The following NDC1 variants were observed in gnomAD, a reference collection of about 807,000 sequenced individuals.
NDC1 encodes the protein NDC1 transmembrane nucleoporin, also known as nucleoporin NDC1.
In NDC1, 24 loss-of-function variants were observed where a neutral mutation model predicts 89.8. The observed-to-expected ratio is 0.27, with a 90% confidence interval of 0.19 to 0.38. The LOEUF (loss-of-function observed/expected upper bound fraction) is 0.38, where lower values mean the gene tolerates loss of function less well. Among genes scored for constraint, NDC1 ranks in the 10% least tolerant of loss-of-function variants. NDC1 has a pLI of 1.00. For synonymous variants in NDC1, 296 were observed against 284.8 expected (o/e 1.04, Z -0.39); for missense variants, 728 against 797.6 (o/e 0.91, Z 1.05).
intron 14 of NDC1, among the ~76,000 whole-genome samples, chr1:53,792,087 C>T (rs922400588): frequency 9.2e-5 from 14 of 152,078 alleles, no homozygotes; most frequent in African/African-American, 1.9e-4. Context: ...GGACCACAGG[C>T]GCCCACCACT....
intron 16 of NDC1, among the ~76,000 whole-genome samples, chr1:53,773,231 A>C (rs1647134176): frequency 6.6e-6 from 1 of 152,212 alleles, no homozygotes; most frequent in Non-Finnish European, 1.5e-5. Flanking sequence ...AAATAAACTG[A>C]CAAGATACAA....
chr1:53,818,413 C>G (rs1648550129), intron 6 of NDC1, among the ~76,000 whole-genome samples: 1 of 151,652 alleles, frequency 6.6e-6, no homozygotes, highest in African/African-American at 2.4e-5. Context: ...TACGCTCCAG[C>G]CTGGGTGACA....
At chr1:53,803,447 G>A (rs1307523533) in intron 10 of NDC1, among the ~76,000 whole-genome samples, 5 of 152,158 alleles carry the variant, frequency 3.3e-5, no homozygotes, top group Non-Finnish European at 7.3e-5. Flanking sequence ...TTAAGGAAAT[G>A]AAGGAGCTGA....
At chr1:53,817,258 G>A (rs1432089134) in intron 6 of NDC1, among the ~76,000 whole-genome samples, 5 of 152,136 alleles carry the variant, frequency 3.3e-5, no homozygotes, top group East Asian at 1.9e-4. Flanking sequence ...ATCAATCAAC[G>A]AGTGGATAAA....
At chr1:53,773,114 CA>C (rs1316515362) in intron 16 of NDC1, among the ~76,000 whole-genome samples, 1 of 150,556 alleles carries the variant, frequency 6.6e-6, no homozygotes, top group African/African-American at 2.4e-5. Context: ...AAAAAAAGAC[CA>C]AAACTTTATA....
chr1:53,816,790 C>T (rs550986810), intron 6 of NDC1, among the ~76,000 whole-genome samples: 2 of 151,988 alleles, frequency 1.3e-5, no homozygotes, highest in East Asian at 3.9e-4. Flanking sequence ...ACAATCCCAT[C>T]AAAAAGTGGG....
At chr1:53,821,957 T>C (rs1648682148) in intron 5 of NDC1, among the ~76,000 whole-genome samples, 1 of 152,246 alleles carries the variant, frequency 6.6e-6, no homozygotes, top group Admixed American at 6.5e-5. Context: ...GGGTCCATCA[T>C]TAAGAATTAT....
chr1:53,819,623 A>G (rs1295625960), intron 5 of NDC1, among the ~76,000 whole-genome samples: 3 of 152,252 alleles, frequency 2.0e-5, no homozygotes, highest in Non-Finnish European at 4.4e-5. Context: ...AATCTTAAAG[A>G]TAATGCATAC....
In NDC1 at chr1:53,784,600, G is replaced by A. The variant is rs140318282; in HGVS notation, c.1800+2558C>T. ...GAGGTCAGGAGATCAAGATCGTCCT[G>A]GCTAACACGGTGAAACCCCGTCTCT... On this transcript the variant is annotated intron_variant, in intron 16 of 17. Coordinates refer to ENST00000371429, the MANE Select transcript of NDC1 (RefSeq NM_018087.5). 4.1e-3 allele frequency among the ~76,000 whole-genome samples: 626 copies of A among 152,298 alleles called. 5 individuals carry two copies. The highest frequency in any genetic ancestry group is 0.015 in the African/African-American group (605 of 41,548).
intron 10 of NDC1, among the ~76,000 whole-genome samples, chr1:53,802,343 G>C (rs1306463110): frequency 6.6e-6 from 1 of 151,928 alleles, no homozygotes; most frequent in Non-Finnish European, 1.5e-5. Flanking sequence ...TGGCAAGCTT[G>C]GCAAACTAAT....
chr1:53,793,310 T>C (rs753284077), intron 13 of NDC1, 31 bp from the exon 14 acceptor site: 3 of 1,527,214 alleles, frequency 2.0e-6, no homozygotes, highest in Non-Finnish European at 2.7e-6. Flanking sequence ...AATTAACACA[T>C]TTACCTTTTA....
At position 53,807,582 on chromosome 1, in the gene NDC1, G is replaced by C. The variant is rs565915482; in HGVS notation, c.891+74C>G. On this transcript the variant is annotated intron_variant, in intron 8 of 17. Coordinates refer to ENST00000371429, the MANE Select transcript of NDC1 (RefSeq NM_018087.5). ...GAAATGGTTTTGCGTGTGCTGATCAGTGTGCTCTGCTAAAAATCAACTGTG... is the reference window on the plus strand; with the variant it reads ...GAAATGGTTTTGCGTGTGCTGATCACTGTGCTCTGCTAAAAATCAACTGTG... 4.4e-5 allele frequency: 58 copies of C among 1,321,658 alleles called. No homozygotes were observed. The African/African-American group carries it at 7.3e-4, about 17-fold the overall frequency. The allele number at this position is 1,321,658 out of a possible 1,614,324, so 81.9% of individuals were successfully genotyped here.
At chr1:53,789,379 T>C (rs945713403) in intron 14 of NDC1, among the ~76,000 whole-genome samples, 183 bp from the exon 15 acceptor site, 5 of 152,274 alleles carry the variant, frequency 3.3e-5, no homozygotes, top group African/African-American at 1.2e-4. Context: ...TAAAGCACTC[T>C]ACCATCAACT....
In NDC1 at chr1:53,835,513, T is replaced by C. The variant is rs41313377; in HGVS notation, c.165A>G (p.Ile55Met). The C allele has an allele frequency of 9.6e-3, 15,411 of 1,613,158 alleles. 96 individuals carry two copies. Among genetic ancestry groups the C allele is most frequent in the Non-Finnish European group, 0.011 (13,222 of 1,179,482 alleles). ...AGTATCACCTACCAGACAGCCACTG[T>C]ATAGGATGAAACAAATCAATCCTGC... ...IFSRIDLFHP[I>M]QWLSDSFSDL... The change falls in exon 2 of 18, where the codon ATA becomes ATG. Residue 55 changes from isoleucine to methionine, a missense_variant. By Grantham distance (10) the Ile-to-Met change is conservative (BLOSUM62 1). Transcript: ENST00000371429.
At chr1:53,798,675 C>T (rs1247081247) in intron 11 of NDC1, among the ~76,000 whole-genome samples, 6 of 152,032 alleles carry the variant, frequency 3.9e-5, no homozygotes, top group Non-Finnish European at 8.8e-5. Context: ...CTGCCTCAGC[C>T]TCCTGAGTTG....
intron 5 of NDC1, among the ~76,000 whole-genome samples, chr1:53,825,460 A>AAAAAAAG (rs1039370528): frequency 6.3e-5 from 9 of 142,066 alleles, no homozygotes; most frequent in Middle Eastern, 3.7e-3. Context: ...CTCCAAAAAA[A>AAAAAAAG]AAGAAGCTAC....
intron 14 of NDC1, among the ~76,000 whole-genome samples, chr1:53,791,438 A>G (rs1331301275): frequency 2.0e-5 from 3 of 151,498 alleles, no homozygotes; most frequent in Non-Finnish European, 4.4e-5. Context: ...TCCGTCTGAA[A>G]AAAAAAAAAA....
At chr1:53,779,984 A>G (rs1376776816) in intron 16 of NDC1, among the ~76,000 whole-genome samples, 1 of 152,062 alleles carries the variant, frequency 6.6e-6, no homozygotes, top group African/African-American at 2.4e-5. Context: ...GCCATTAATT[A>G]TCTCACATCT....
At chr1:53,824,654 C>CGAA (rs1394343988) in intron 5 of NDC1, among the ~76,000 whole-genome samples, 1 of 152,198 alleles carries the variant, frequency 6.6e-6, no homozygotes, top group African/African-American at 2.4e-5. Context: ...TCTCAGCCAC[C>CGAA]TTTCCCTCTC....
Sources: gnomAD v4.1 joint callset for allele counts (sites outside exome capture counted in the v4.1 genomes callset) on GRCh38, gnomAD v4.1.1 for gene constraint, MANE v1.5 for transcripts, NCBI Gene and HGNC (gene_info 2026-07-23, HGNC 2026-07-21) for gene names.